The following DYRK1A variants were observed in gnomAD, a reference collection of about 807,000 sequenced individuals.
DYRK1A encodes dual specificity tyrosine-phosphorylation-regulated kinase 1A.
In DYRK1A, 9 loss-of-function variants were observed where a neutral mutation model predicts 79.7. That is an observed-to-expected ratio of 0.11 (90% CI 0.07 to 0.20). The LOEUF (loss-of-function observed/expected upper bound fraction) is 0.20, where lower values mean the gene tolerates loss of function less well. Ranked by LOEUF, DYRK1A falls within the 10% of genes least tolerant of loss-of-function variation. DYRK1A has a pLI of 1.00. For synonymous variants in DYRK1A, 349 were observed against 329.7 expected, an observed-to-expected ratio of 1.06 and a Z score of -0.63; for missense variants, 622 against 956.0, an observed-to-expected ratio of 0.65 and a Z score of 4.61.
At chr21:37,467,170 A>G (rs1483072921) in intron 2 of DYRK1A, among the ~76,000 whole-genome samples, 1 of 152,022 alleles carries the variant, frequency 6.6e-6, no homozygotes. Context: ...CTGGTCCAGA[A>G]GGTTTCACCA....
intron 9 of DYRK1A, among the ~76,000 whole-genome samples, chr21:37,500,855 G>A (rs538958526): frequency 5.3e-5 from 8 of 150,768 alleles, no homozygotes; most frequent in East Asian, 1.9e-4. Context: ...TGTTTTTTCC[G>A]CAAGTAGTCT....
intron 1 of DYRK1A, among the ~76,000 whole-genome samples, chr21:37,409,509 C>G (rs1401969887): frequency 6.6e-6 from 1 of 152,126 alleles, no homozygotes; most frequent in African/African-American, 2.4e-5. Flanking sequence ...AACTTTTTAA[C>G]TCTGTTGGAG....
rs548053799 is a variant in DYRK1A at position 37,386,407 on chromosome 21, C to A, written c.-77+18779C>A. 4.6e-5 allele frequency among the ~76,000 whole-genome samples: 7 copies of A among 152,284 alleles called. No individual in the cohort carries two copies. In the South Asian group the frequency reaches 1.2e-3, roughly 27 times the overall value. On this transcript the variant is annotated intron_variant, in intron 1 of 11. Transcript: ENST00000647188. ...TGTAGAGCAATACTTGTCAGACTTT[C>A]TCACGTCGGGGCCTTCATGGACGAA... is the stretch of plus-strand genomic sequence containing the variant.
intron 1 of DYRK1A, among the ~76,000 whole-genome samples, chr21:37,395,267 C>A (rs1179069561): frequency 6.6e-6 from 1 of 152,176 alleles, no homozygotes; most frequent in Non-Finnish European, 1.5e-5. Context: ...ACCTAAGTAT[C>A]TTAGCAGAGG....
chr21:37,386,365 A>G (rs1303066471), intron 1 of DYRK1A, among the ~76,000 whole-genome samples: 1 of 152,200 alleles, frequency 6.6e-6, no homozygotes, highest in East Asian at 1.9e-4. Context: ...GGTGCCAAAA[A>G]GGTCAGAGAC....
chr21:37,439,652 C>A (rs2051032011), intron 2 of DYRK1A, among the ~76,000 whole-genome samples: 1 of 152,134 alleles, frequency 6.6e-6, no homozygotes, highest in Non-Finnish European at 1.5e-5. Context: ...TGAGGTAGAA[C>A]AGTTTTTCAT....
rs780831527 is a variant in DYRK1A, at chr21:37,496,170, T to G, written c.1124T>G (p.Ile375Ser). 9.3e-6 allele frequency: 15 copies of G among 1,614,120 alleles called. No homozygotes were observed. Among genetic ancestry groups the G allele is most frequent in the Non-Finnish European group, 1.2e-5 (14 of 1,179,988 alleles). Residue 375 changes from isoleucine (I) to serine (S), a missense_variant, in exon 9 of 12, where the codon ATT becomes AGT. This residue lies in a region of DYRK1A where 80 missense variants were observed against 116.5 expected (regional missense o/e 0.69). Transcript: ENST00000647188. Reference sequence around the variant, plus strand: ...GTTCTGGGTATTCCACCTGCTCATATTCTTGACCAAGCACCAAAAGCAAGA... The same window carrying G: ...GTTCTGGGTATTCCACCTGCTCATAGTCTTGACCAAGCACCAAAAGCAAGA... The part of the protein sequence containing the change: ...VEVLGIPPAH[I>S]LDQAPKARKF...
At chr21:37,375,321 G>A (rs1049481921) in intron 1 of DYRK1A, among the ~76,000 whole-genome samples, 1 of 152,174 alleles carries the variant, frequency 6.6e-6, no homozygotes, top group Non-Finnish European at 1.5e-5. Flanking sequence ...TGTATATACA[G>A]CATTAGAATA....
chr21:37,417,506 CTTTTCT>C (rs3831374), intron 1 of DYRK1A, among the ~76,000 whole-genome samples: 14 of 70,490 alleles, frequency 2.0e-4, no homozygotes, highest in East Asian at 1.0e-3. Context: ...TTTTATTTTT[CTTTTCT>C]TTTTCTTTTT....
intron 2 of DYRK1A, among the ~76,000 whole-genome samples, chr21:37,422,536 G>A (rs988124254): frequency 6.6e-6 from 1 of 152,044 alleles, no homozygotes; most frequent in African/African-American, 2.4e-5. Flanking sequence ...TGTTCTGTTG[G>A]TTAGATGTGG....
In DYRK1A at chr21:37,420,403, T is replaced by A; in HGVS notation, c.10+19T>A. ...CATACAGGTGACTCAAGTTTTGAAATACAGTAAAACTCTGGCTAAGAGAAT... is the reference window on the plus strand; with the variant it reads ...CATACAGGTGACTCAAGTTTTGAAAAACAGTAAAACTCTGGCTAAGAGAAT... On this transcript the variant is annotated intron_variant, in intron 2 of 11. Coordinates refer to ENST00000647188, the MANE Select transcript of DYRK1A (RefSeq NM_001347721.2). The A allele has an allele frequency of 1.2e-6, 2 of 1,611,010 alleles. No individual in the cohort carries two copies. Among genetic ancestry groups the A allele is most frequent in the Non-Finnish European group, 1.7e-6 (2 of 1,177,906 alleles).
intron 2 of DYRK1A, among the ~76,000 whole-genome samples, chr21:37,454,456 C>A (rs79705989): frequency 6.6e-6 from 1 of 152,016 alleles, no homozygotes; most frequent in African/African-American, 2.4e-5. Flanking sequence ...CAACCTCTGT[C>A]AATAGTAGTT....
chr21:37,454,803 G>A (rs1456282255), intron 2 of DYRK1A, among the ~76,000 whole-genome samples: 2 of 152,148 alleles, frequency 1.3e-5, no homozygotes, highest in East Asian at 3.8e-4. Flanking sequence ...ACTTAAAGAG[G>A]ATTTAATGAC....
At chr21:37,478,467 T>C (rs2052482728) in intron 4 of DYRK1A, among the ~76,000 whole-genome samples, 167 bp downstream of exon 4, 3 of 152,336 alleles carry the variant, frequency 2.0e-5, no homozygotes, top group South Asian at 4.1e-4. Flanking sequence ...GTAAAAGATA[T>C]ATTAACAAGG....
intron 3 of DYRK1A, among the ~76,000 whole-genome samples, chr21:37,474,025 G>T (rs967487404): frequency 6.6e-6 from 1 of 152,184 alleles, no homozygotes; most frequent in South Asian, 2.1e-4. Flanking sequence ...TTTCCCACTT[G>T]TTCAAAAGCA....
At chr21:37,386,492 A>G (rs1051592941) in intron 1 of DYRK1A, among the ~76,000 whole-genome samples, 4 of 152,204 alleles carry the variant, frequency 2.6e-5, no homozygotes, top group African/African-American at 9.7e-5. Context: ...CATCTAAAAC[A>G]TCTGTGGTGC....
At chr21:37,451,762 A>G (rs1335073943) in intron 2 of DYRK1A, among the ~76,000 whole-genome samples, 1 of 152,176 alleles carries the variant, frequency 6.6e-6, no homozygotes, top group Non-Finnish European at 1.5e-5. Context: ...ATTTCTTAGA[A>G]CATATCCTCA....
chr21:37,453,208 A>T (rs554949559), intron 2 of DYRK1A, among the ~76,000 whole-genome samples: 3 of 152,236 alleles, frequency 2.0e-5, no homozygotes, highest in South Asian at 4.1e-4. Context: ...AATTTATAAT[A>T]AAAAAAATTG....
chr21:37,407,382 C>CTG (rs1236037141), intron 1 of DYRK1A, among the ~76,000 whole-genome samples: 1 of 152,112 alleles, frequency 6.6e-6, no homozygotes, highest in Non-Finnish European at 1.5e-5. Context: ...GGCATCATGT[C>CTG]TGTGCTCAAT....
Sources: allele counts gnomAD v4.1 joint callset (sites outside exome capture counted in the v4.1 genomes callset), GRCh38; gene constraint gnomAD v4.1.1; regional missense constraint gnomAD v4.1.1; transcripts MANE v1.5; gene names NCBI Gene and HGNC (gene_info 2026-07-23, HGNC 2026-07-21).